The following PROKR2 variants were observed in gnomAD, a reference collection of about 807,000 sequenced individuals.
The protein encoded by PROKR2 is G protein-coupled receptor 73-like 1.
Under a neutral mutation model 23.4 loss-of-function variants are expected in PROKR2, and 26 were observed. That is an observed-to-expected ratio of 1.11 (90% confidence interval 0.81 to 1.54). PROKR2 has a LOEUF of 1.54. Among genes scored for constraint, PROKR2 ranks in the 40% most tolerant of loss-of-function variants. The pLI, the probability that PROKR2 is intolerant of heterozygous loss-of-function variation, is 0.00. For synonymous variants in PROKR2, 212 were observed against 201.2 expected, an observed-to-expected ratio of 1.05 and a Z score of -0.45; for missense variants, 453 against 511.5, an observed-to-expected ratio of 0.89 and a Z score of 1.10.
rs148355277 is a variant in PROKR2 at position 5,303,214 on chromosome 20, C to T, written c.459-478G>A. Among the ~76,000 whole-genome samples, 53 of 152,308 alleles carry T rather than the reference C, an allele frequency of 3.5e-4. 2 individuals carry two copies. In the East Asian group the frequency reaches 8.9e-3, roughly 26 times the overall value. Reference sequence around the variant, plus strand: ...TCATTCTGCCCAAGAACATACAATACTCTCAGAGCTCTTCATTCCAAATAG... The same window carrying T: ...TCATTCTGCCCAAGAACATACAATATTCTCAGAGCTCTTCATTCCAAATAG... On this transcript the variant is annotated intron_variant, in intron 2 of 2. Coordinates refer to ENST00000678254, the MANE Select transcript of PROKR2 (RefSeq NM_144773.4).
At chr20:5,305,253 C>T (rs541333880) in intron 2 of PROKR2, among the ~76,000 whole-genome samples, 64 of 152,372 alleles carry the variant, frequency 4.2e-4, no homozygotes, top group African/African-American at 1.4e-3. Flanking sequence ...TCCCTGACCC[C>T]TGTACAATGT....
chr20:5,313,087 T>C (rs986222268), intron 2 of PROKR2, among the ~76,000 whole-genome samples: 2 of 152,216 alleles, frequency 1.3e-5, no homozygotes, highest in Admixed American at 1.3e-4. Context: ...TCATTACACA[T>C]TGTATACATA....
In PROKR2 at chr20:5,301,200, C is replaced by T. The variant is rs1978971825; in HGVS notation, c.*840G>A. Among the ~76,000 whole-genome samples the T allele has an allele frequency of 7.4e-6, 1 of 135,744 alleles. No individual in the cohort carries two copies. The highest frequency in any genetic ancestry group is 2.8e-5 in the African/African-American group (1 of 35,712). 89.1% of individuals were successfully genotyped at this position (135,744 alleles called of 152,430 possible). A position where few individuals can be genotyped will look rare whatever the true frequency, so the allele number is the denominator to read the frequency against. On this transcript the variant is annotated 3_prime_UTR_variant, in exon 3 of 3. Coordinates refer to ENST00000678254, the MANE Select transcript of PROKR2 (RefSeq NM_144773.4). ...GTGTCTAAGAGTCTTCTTCTATAGCCGTTGGTTGTTGTTGTTGTTGTTTTG... is the reference window on the plus strand; with the variant it reads ...GTGTCTAAGAGTCTTCTTCTATAGCTGTTGGTTGTTGTTGTTGTTGTTTTG...
rs373511474 is a variant in PROKR2 at position 5,314,238 on chromosome 20, G to A, written c.132C>T (p.Thr44=). 1.1e-5 allele frequency: 18 copies of A among 1,614,064 alleles called. No homozygotes were observed. The Middle Eastern group carries it at 8.2e-4, about 74-fold the overall frequency. Residue 44 remains threonine, a synonymous_variant, in exon 2 of 3, where the codon ACC becomes ACT. Transcript: ENST00000678254. ...DLPMDEDEDM[T]KTRTFFAAKI... ...TGGCTGCGAAGAAGGTCCGGGTCTT[G>A]GTCATGTCCTCATCCTCATCCATAG...
Position 5,316,538 on chromosome 20 carries a change from C to T in PROKR2, c.-53G>A, listed in dbSNP as rs1979683301. The T allele has an allele frequency of 2.8e-6, 1 of 359,174 alleles. No individual in the cohort carries two copies. Among genetic ancestry groups the T allele is most frequent in the Non-Finnish European group, 5.6e-6 (1 of 179,434 alleles). 22.2% of individuals were successfully genotyped at this position (359,174 alleles called of 1,614,324 possible). A position where few individuals can be genotyped will look rare whatever the true frequency, so the allele number is the denominator to read the frequency against. On this transcript the variant is annotated 5_prime_UTR_variant, in exon 1 of 3. Coordinates refer to ENST00000678254, the MANE Select transcript of PROKR2 (RefSeq NM_144773.4). This position sits in a 1 kb window ranked among gnomAD's most constrained non-coding sequence, Gnocchi z 5.0. The stretch of plus-strand genomic sequence containing the variant: ...CTGTGCGCTCTGCTGCTCCGGAAGC[C>T]GGATCGAGAGTCACAGTGTGGTTGG...
At chr20:5,310,107 G>A (rs1279434104) in intron 2 of PROKR2, among the ~76,000 whole-genome samples, 2 of 152,190 alleles carry the variant, frequency 1.3e-5, no homozygotes, top group Non-Finnish European at 2.9e-5. Context: ...AAGGCTTTTT[G>A]TCATGTTCTG....
At position 5,313,900 on chromosome 20, in the gene PROKR2, C is replaced by A. The variant is rs1251528000; in HGVS notation, c.458+12G>T. 1 of 1,611,878 alleles carries A rather than the reference C, an allele frequency of 6.2e-7. No homozygotes were observed. Among genetic ancestry groups the A allele is most frequent in the African/African-American group, 1.3e-5 (1 of 74,910 alleles). On this transcript the variant is annotated intron_variant, in intron 2 of 2. Transcript: ENST00000678254. ...GCCCAGCCCCACCACTCACCCCACC[C>A]ACCATCCTCACCTGTCAATGGCAAT...
chr20:5,310,516 G>A (rs1308121930), intron 2 of PROKR2, among the ~76,000 whole-genome samples: 1 of 152,166 alleles, frequency 6.6e-6, no homozygotes, highest in Non-Finnish European at 1.5e-5. Context: ...AAAGGTGAGA[G>A]TTTGGCCATC....
In PROKR2 at chr20:5,307,576, C is replaced by T. The variant is rs565595100; in HGVS notation, c.459-4840G>A. 4.7e-4 allele frequency among the ~76,000 whole-genome samples: 72 copies of T among 152,340 alleles called. 1 individual carries two copies. The highest frequency in any genetic ancestry group is 1.3e-3 in the African/African-American group (55 of 41,578). On this transcript the variant is annotated intron_variant, in intron 2 of 2. Coordinates refer to ENST00000678254, the MANE Select transcript of PROKR2 (RefSeq NM_144773.4). The stretch of plus-strand genomic sequence containing the variant: ...CAGAACGGGCAGAGGTGCTGCGCAA[C>T]GAATCCTATGGAATCATTATTGATT...
At position 5,302,746 on chromosome 20, in the gene PROKR2, G is replaced by T. The variant is rs747612343; in HGVS notation, c.459-10C>A. 3.1e-6 allele frequency: 5 copies of T among 1,603,732 alleles called. No individual in the cohort carries two copies. The East Asian group carries it at 1.1e-4, about 36-fold the overall frequency. On this transcript the variant is annotated splice_polypyrimidine_tract_variant and intron_variant, in intron 2 of 2. Coordinates refer to ENST00000678254, the MANE Select transcript of PROKR2 (RefSeq NM_144773.4). Reference sequence around the variant, plus strand: ...AACGATGGCGAGATATCTGGTGGGGGAGGGAAGCCAACAGTAGTAATGATG... The same window carrying T: ...AACGATGGCGAGATATCTGGTGGGGTAGGGAAGCCAACAGTAGTAATGATG...
At position 5,301,199 on chromosome 20, in the gene PROKR2, C is replaced by T. The variant is rs960426502; in HGVS notation, c.*841G>A. Among the ~76,000 whole-genome samples the T allele has an allele frequency of 7.2e-6, 1 of 138,486 alleles. No individual in the cohort carries two copies. The highest frequency in any genetic ancestry group is 2.7e-5 in the African/African-American group (1 of 36,554). 90.9% of individuals were successfully genotyped at this position (138,486 alleles called of 152,430 possible). On this transcript the variant is annotated 3_prime_UTR_variant, in exon 3 of 3. Coordinates refer to ENST00000678254, the MANE Select transcript of PROKR2 (RefSeq NM_144773.4). ...TGTGTCTAAGAGTCTTCTTCTATAG[C>T]CGTTGGTTGTTGTTGTTGTTGTTTT...
chr20:5,312,270 C>T (rs1006322899), intron 2 of PROKR2, among the ~76,000 whole-genome samples: 1 of 152,182 alleles, frequency 6.6e-6, no homozygotes, highest in Non-Finnish European at 1.5e-5. Flanking sequence ...CCACGCCCAA[C>T]TAATTTTTGT....
At chr20:5,315,525 C>T (rs986966067) in intron 1 of PROKR2, among the ~76,000 whole-genome samples, 1 of 152,172 alleles carries the variant, frequency 6.6e-6, no homozygotes. Flanking sequence ...CCCCTCGCCT[C>T]TCAGCACACC....
chr20:5,300,052 CAATT>C lies in PROKR2; in HGVS notation c.*1984_*1987del, dbSNP rs1461316835. Among the ~76,000 whole-genome samples the C allele has an allele frequency of 4.6e-5, 7 of 152,180 alleles. No homozygotes were observed. The highest frequency in any genetic ancestry group is 7.2e-5 in the African/African-American group (3 of 41,442). On this transcript the variant is annotated 3_prime_UTR_variant, in exon 3 of 3. Coordinates refer to ENST00000678254, the MANE Select transcript of PROKR2 (RefSeq NM_144773.4). Reference sequence around the variant, plus strand: ...TAATAGAAACAATCAAACAAGCAAACAATTAATTCCTTGTCTATAAAAAATTAGG... The same window carrying C: ...TAATAGAAACAATCAAACAAGCAAACAATTCCTTGTCTATAAAAAATTAGG...
In PROKR2 at chr20:5,316,821, C is replaced by A. The variant is rs76986139; in HGVS notation, c.-336G>T. Among the ~76,000 whole-genome samples the A allele has an allele frequency of 6.6e-5, 10 of 152,222 alleles. No homozygotes were observed. The highest frequency in any genetic ancestry group is 1.3e-4 in the Non-Finnish European group (9 of 68,044). ...GTCCAGGCCAAGGGTGGATGCCCAGCTCCCCCACCCCACCGCGTGCTCTCG... is the reference window on the plus strand; with the variant it reads ...GTCCAGGCCAAGGGTGGATGCCCAGATCCCCCACCCCACCGCGTGCTCTCG... On this transcript the variant is annotated 5_prime_UTR_variant, in exon 1 of 3. Coordinates refer to ENST00000678254, the MANE Select transcript of PROKR2 (RefSeq NM_144773.4). The surrounding 1 kb of genome is among the most constrained non-coding windows in gnomAD (Gnocchi z 5.0).
chr20:5,302,215 A>G lies in PROKR2; in HGVS notation c.980T>C (p.Met327Thr). The change falls in exon 3 of 3, where the codon ATG becomes ACG. Residue 327 changes from methionine (M) to threonine (T), a missense_variant. Coordinates refer to ENST00000678254, the MANE Select transcript of PROKR2 (RefSeq NM_144773.4). Reference sequence around the variant, plus strand: ...CGTCACGAAGCACACGGTGTTGATCATGCTGTTGCTCATGGCGATGCACTC... The same window carrying G: ...CGTCACGAAGCACACGGTGTTGATCGTGCTGTTGCTCATGGCGATGCACTC... ...VVECIAMSNS[M>T]INTVCFVTVK... is the part of the protein sequence containing the mutation. The G allele has an allele frequency of 6.2e-7, 1 of 1,614,196 alleles. No homozygotes were observed.
rs577218467 is a variant in PROKR2, at chr20:5,299,493, A to G, written c.*2547T>C. Among the ~76,000 whole-genome samples the G allele has an allele frequency of 3.9e-4, 59 of 151,666 alleles. No homozygotes were observed. Among genetic ancestry groups the G allele is most frequent in the African/African-American group, 1.3e-3 (56 of 41,536 alleles). ...TTATTATATTTATAGAAATGTACAT[A>G]ACCTAAAATTGTTACTTGCTTGGCT... On this transcript the variant is annotated 3_prime_UTR_variant, in exon 3 of 3. Coordinates refer to ENST00000678254, the MANE Select transcript of PROKR2 (RefSeq NM_144773.4).
rs768195924 is a variant in PROKR2 at position 5,302,731 on chromosome 20, A to T, written c.464T>A (p.Leu155His). The change falls in exon 3 of 3, where the codon CTC becomes CAC. Residue 155 changes from leucine to histidine, a missense_variant. By Grantham distance (99) the Leu-to-His change is moderately conservative. Coordinates refer to ENST00000678254, the MANE Select transcript of PROKR2 (RefSeq NM_144773.4). The stretch of plus-strand genomic sequence containing the variant: ...TGGTTTCAAGGGGTGAACGATGGCG[A>T]GATATCTGGTGGGGGAGGGAAGCCA... ...ALLAIAIDRYLAIVHPLKPRM... is the reference protein window; with the variant it reads ...ALLAIAIDRYHAIVHPLKPRM... 4 of 1,612,842 alleles carry T rather than the reference A, an allele frequency of 2.5e-6. No homozygotes were observed. The African/African-American group carries it at 4.0e-5, about 16-fold the overall frequency.
chr20:5,314,027 C>A lies in PROKR2; in HGVS notation c.343G>T (p.Val115Leu). Reference protein sequence around the residue: ...ICCPFEMDYYVVRQLSWEHGH... With the variant: ...ICCPFEMDYYLVRQLSWEHGH... ...TGCTCCCAGGAGAGCTGCCGTACCACGTAGTAGTCCATCTCGAAGGGGCAG... is the reference window on the plus strand; with the variant it reads ...TGCTCCCAGGAGAGCTGCCGTACCAAGTAGTAGTCCATCTCGAAGGGGCAG... The change falls in exon 2 of 3, where the codon GTG becomes TTG. Residue 115 changes from valine (V) to leucine (L), a missense_variant. Transcript: ENST00000678254. 6.2e-7 allele frequency: 1 copy of A among 1,614,164 alleles called. No individual in the cohort carries two copies. Among genetic ancestry groups the A allele is most frequent in the East Asian group, 2.2e-5 (1 of 44,886 alleles).
Sources: gnomAD v4.1 joint callset for allele counts (sites outside exome capture counted in the v4.1 genomes callset) on GRCh38, gnomAD v4.1.1 for gene constraint, Gnocchi (gnomAD v3.1) non-coding constraint, MANE v1.5 for transcripts, NCBI Gene and HGNC (gene_info 2026-07-23, HGNC 2026-07-21) for gene names.